The following MCPH1 variants were observed in gnomAD, a reference collection of about 807,000 sequenced individuals.
MCPH1 encodes microcephalin 1.
Under a neutral mutation model 84.5 loss-of-function variants are expected in MCPH1, and 104 were observed. The observed-to-expected ratio is 1.23, with a 90% confidence interval of 1.05 to 1.45. The LOEUF is 1.45. Ranked by LOEUF, MCPH1 falls within the 40% of genes most tolerant of loss-of-function variation. The probability of loss-of-function intolerance (pLI) is 0.00; values close to 1 mark genes in which losing one functional copy is unlikely to be tolerated. For synonymous variants in MCPH1, 514 were observed against 366.8 expected (o/e 1.40, Z -4.58); for missense variants, 1,498 against 1,005.7 (o/e 1.49, Z -6.62).
At chr8:6,450,947 A>G (rs1026143609) in intron 8 of MCPH1, among the ~76,000 whole-genome samples, 2 of 152,088 alleles carry the variant, frequency 1.3e-5, no homozygotes, top group Admixed American at 6.6e-5. Flanking sequence ...AGCTCATGCA[A>G]TCTGCCCGCC....
chr8:6,605,757 G>A (rs1397244835), intron 12 of MCPH1, among the ~76,000 whole-genome samples: 2 of 152,146 alleles, frequency 1.3e-5, no homozygotes, highest in Non-Finnish European at 2.9e-5. Flanking sequence ...GAGTGCAGTG[G>A]CACGATCTCA....
intron 12 of MCPH1, chr8:6,503,383 T>C (rs1332426805): frequency 1.1e-6 from 1 of 938,312 alleles, no homozygotes; most frequent in Non-Finnish European, 1.7e-6. Flanking sequence ...CACATGCAGA[T>C]GATGGTGAGT....
chr8:6,419,144 C>G (rs1397815131), intron 3 of MCPH1, among the ~76,000 whole-genome samples: 2 of 92,528 alleles, frequency 2.2e-5, no homozygotes, highest in African/African-American at 8.1e-5. Flanking sequence ...CACACACACA[C>G]ACACACAGAC....
At chr8:6,627,297 G>T in intron 13 of MCPH1, 1 of 985,296 alleles carries the variant, frequency 1.0e-6, no homozygotes, top group Non-Finnish European at 1.2e-6. Flanking sequence ...GAGAGGGGAG[G>T]CCATCTGCAG....
chr8:6,556,226 TAC>T (rs1824585293), intron 12 of MCPH1, among the ~76,000 whole-genome samples: 1 of 152,176 alleles, frequency 6.6e-6, no homozygotes, highest in Admixed American at 6.5e-5. Context: ...CTACAGCATA[TAC>T]AGTGTTTACA....
intron 11 of MCPH1, among the ~76,000 whole-genome samples, chr8:6,488,689 G>A (rs989797706): frequency 6.6e-6 from 1 of 152,156 alleles, no homozygotes; most frequent in Non-Finnish European, 1.5e-5. Flanking sequence ...GTTGGAGAAG[G>A]CTGTAGGGCC....
chr8:6,473,797 G>A, intron 9 of MCPH1: 1 of 1,070,002 alleles, frequency 9.3e-7, no homozygotes, highest in Non-Finnish European at 1.3e-6. Flanking sequence ...GATGTCAGCA[G>A]AGAGATATCA....
At chr8:6,593,465 C>G (rs1357616433) in intron 12 of MCPH1, among the ~76,000 whole-genome samples, 1 of 152,168 alleles carries the variant, frequency 6.6e-6, no homozygotes, top group Non-Finnish European at 1.5e-5. Context: ...AGTGATTCTC[C>G]TGCCTCAGCC....
chr8:6,461,852 C>G (rs750646080), intron 9 of MCPH1, among the ~76,000 whole-genome samples: 12 of 152,196 alleles, frequency 7.9e-5, no homozygotes, highest in South Asian at 2.1e-4. Context: ...TACCAGCACT[C>G]TGGTAGAAAT....
intron 9 of MCPH1, among the ~76,000 whole-genome samples, chr8:6,471,578 C>T (rs963439088): frequency 2.0e-5 from 3 of 152,112 alleles, no homozygotes; most frequent in African/African-American, 4.8e-5. Context: ...GTTAAAATAG[C>T]AACAATACTG....
intron 12 of MCPH1, chr8:6,621,095 C>G (rs1831363127): frequency 2.8e-6 from 1 of 353,888 alleles, no homozygotes; most frequent in Non-Finnish European, 5.4e-6. Context: ...CTTGCCGTCA[C>G]TTGCACACGT....
At chr8:6,595,376 G>A (rs547995944) in intron 12 of MCPH1, among the ~76,000 whole-genome samples, 7 of 152,306 alleles carry the variant, frequency 4.6e-5, no homozygotes, top group African/African-American at 1.2e-4. Flanking sequence ...AGTCCACAGC[G>A]CTAAACTGTC....
intron 7 of MCPH1, among the ~76,000 whole-genome samples, chr8:6,443,943 G>A (rs1347335764): frequency 6.6e-6 from 1 of 152,122 alleles, no homozygotes; most frequent in African/African-American, 2.4e-5. Flanking sequence ...TGTAATACGA[G>A]GACTTTACTG....
At chr8:6,438,808 A>G in intron 5 of MCPH1, 145 bp from the exon 6 acceptor site, 1 of 690,244 alleles carries the variant, frequency 1.4e-6, no homozygotes, top group Non-Finnish European at 2.5e-6. Context: ...GAGGTGGTGG[A>G]GGTAGAATAT....
intron 9 of MCPH1, among the ~76,000 whole-genome samples, chr8:6,458,458 T>G (rs1330810548): frequency 2.2e-5 from 3 of 134,030 alleles, no homozygotes; most frequent in Non-Finnish European, 4.6e-5. Context: ...GGCAACAGAG[T>G]GAGACTCCTT....
At chr8:6,590,985 T>A (rs985490981) in intron 12 of MCPH1, among the ~76,000 whole-genome samples, 2 of 152,246 alleles carry the variant, frequency 1.3e-5, no homozygotes, top group Non-Finnish European at 2.9e-5. Flanking sequence ...CACTGCAACC[T>A]CCGCTTCCTG....
chr8:6,446,778 G>A (rs1040911138), intron 8 of MCPH1: 1 of 984,810 alleles, frequency 1.0e-6, no homozygotes, highest in Non-Finnish European at 1.2e-6. Context: ...AATTAAGTAG[G>A]AAAAAGCTGG....
intron 12 of MCPH1, among the ~76,000 whole-genome samples, chr8:6,614,329 C>A (rs575948834): frequency 6.6e-6 from 1 of 152,200 alleles, no homozygotes; most frequent in South Asian, 2.1e-4. Flanking sequence ...TCCTCCCATG[C>A]GTGGTGAGGG....
At chr8:6,599,286 G>C (rs1401465497) in intron 12 of MCPH1, among the ~76,000 whole-genome samples, 1 of 152,182 alleles carries the variant, frequency 6.6e-6, no homozygotes, top group African/African-American at 2.4e-5. Flanking sequence ...CGATACCTTT[G>C]GAATTTTTTT....
Sources: allele counts gnomAD v4.1 joint callset (sites outside exome capture counted in the v4.1 genomes callset), GRCh38; gene constraint gnomAD v4.1.1; transcripts MANE v1.5; gene names NCBI Gene and HGNC (gene_info 2026-07-23, HGNC 2026-07-21).